The following GET1 variants were observed in gnomAD, a reference collection of about 807,000 sequenced individuals.
The protein encoded by GET1 is congenital heart disease 5 protein.
A neutral mutation model predicts 22.6 loss-of-function variants in GET1; 20 were observed. The ratio of observed to expected loss-of-function variants is 0.89; its 90% CI spans 0.62 to 1.29. GET1 has a LOEUF of 1.29. Ranked by LOEUF, GET1 falls within the 50% of genes most tolerant of loss-of-function variation. The pLI, the probability that GET1 is intolerant of heterozygous loss-of-function variation, is 0.00. For missense variants in GET1, 209 were observed against 219.9 expected (o/e 0.95, Z 0.31); for synonymous variants, 92 against 83.8 (o/e 1.10, Z -0.53).
chr21:39,421,382 C>A (rs1463086174), intron 1 of GET1, among the ~76,000 whole-genome samples: 1 of 152,156 alleles, frequency 6.6e-6, no homozygotes, highest in Non-Finnish European at 1.5e-5. Context: ...GGCCACTGTG[C>A]CCTGCCCGAT....
chr21:39,395,978 A>T (rs974791339), intron 4 of GET1, among the ~76,000 whole-genome samples: 6 of 152,232 alleles, frequency 3.9e-5, no homozygotes, highest in Middle Eastern at 3.2e-3. Flanking sequence ...TTGGTTTTGG[A>T]ATCTATTAAT....
chr21:39,418,607 TCTC>T (rs2041724859), intron 1 of GET1, among the ~76,000 whole-genome samples: 1 of 152,038 alleles, frequency 6.6e-6, no homozygotes, highest in East Asian at 1.9e-4. Context: ...TTCAAGCAAT[TCTC>T]CTGCCTCAGC....
At chr21:39,411,938 A>G in intron 1 of GET1, 1 of 569,104 alleles carries the variant, frequency 1.8e-6, no homozygotes, top group Admixed American at 3.2e-5. Context: ...GAAATAGGCC[A>G]TATCATCCTA....
chr21:39,391,993 C>G, intron 3 of GET1, 157 bp downstream of exon 3: 1 of 636,964 alleles, frequency 1.6e-6, no homozygotes. Flanking sequence ...CTCTCGGTCT[C>G]TAAGTCAGAC....
At position 39,403,682 on chromosome 21, in the gene GET1, C is replaced by A. The variant is rs1344417180; in HGVS notation, c.350-2232C>A. On this transcript the variant is annotated intron_variant, in intron 4 of 4. Transcript: ENST00000415847. The stretch of plus-strand genomic sequence containing the variant: ...TGTCGCCCAGGCTAGAGTGCAGTGG[C>A]GGGATCTTGGCTCACTGCAACCTCT... 2.7e-5 allele frequency among the ~76,000 whole-genome samples: 4 copies of A among 150,746 alleles called. No individual in the cohort carries two copies. In the South Asian group the frequency reaches 8.4e-4, roughly 32 times the overall value.
intron 1 of GET1, among the ~76,000 whole-genome samples, chr21:39,386,764 C>T (rs1016793413): frequency 6.6e-6 from 1 of 152,160 alleles, no homozygotes; most frequent in African/African-American, 2.4e-5. Context: ...TTAAATCTTA[C>T]ACTGCATGAT....
chr21:39,384,068 T>C (rs6517547), intron 1 of GET1, among the ~76,000 whole-genome samples: 105,173 of 151,042 alleles, frequency 0.7, 36,697 homozygotes, highest in East Asian at 0.78. Context: ...TACTAACCAT[T>C]CTAATGGACG....
intron 1 of GET1, among the ~76,000 whole-genome samples, chr21:39,412,657 G>T (rs2040310561): frequency 6.6e-6 from 1 of 152,144 alleles, no homozygotes; most frequent in African/African-American, 2.4e-5. Flanking sequence ...TTGTCTCCTT[G>T]TGCCCCTTAG....
At chr21:39,396,685 CAAAAAAAAA>C (rs5843962) in intron 4 of GET1, among the ~76,000 whole-genome samples, 172 bp from the exon 5 acceptor site, 1 of 97,890 alleles carries the variant, frequency 1.0e-5, no homozygotes, top group Non-Finnish European at 2.1e-5. Context: ...GACTCCGTCT[CAAAAAAAAA>C]AAAAAAAAAA....
At chr21:39,405,222 G>A (rs1030343836) in intron 4 of GET1, among the ~76,000 whole-genome samples, 1 of 151,718 alleles carries the variant, frequency 6.6e-6, no homozygotes, top group Non-Finnish European at 1.5e-5. Flanking sequence ...TTTGAGACAC[G>A]GTCTCACTCC....
At chr21:39,420,594 C>T in intron 1 of GET1, 3 of 805,212 alleles carry the variant, frequency 3.7e-6, no homozygotes, top group Non-Finnish European at 3.8e-6. Context: ...GGTAGAGGAG[C>T]CTTATATATG....
intron 1 of GET1, among the ~76,000 whole-genome samples, chr21:39,412,326 T>TAGA (rs773147740): frequency 1.4e-4 from 22 of 152,204 alleles, no homozygotes; most frequent in Non-Finnish European, 3.1e-4. Context: ...GGGGGAAGCC[T>TAGA]AGAACAAGGG....
chr21:39,416,193 C>A (rs1335408658), intron 1 of GET1, among the ~76,000 whole-genome samples: 1 of 152,176 alleles, frequency 6.6e-6, no homozygotes, highest in African/African-American at 2.4e-5. Flanking sequence ...TGCTTCTTGT[C>A]CTCTACTGAC....
chr21:39,382,639 C>G (rs1271423139), intron 1 of GET1, among the ~76,000 whole-genome samples: 1 of 152,212 alleles, frequency 6.6e-6, no homozygotes, highest in Non-Finnish European at 1.5e-5. Context: ...GTATAGGCCA[C>G]ATTTTGTTTA....
intron 1 of GET1, among the ~76,000 whole-genome samples, chr21:39,381,956 C>G (rs1314038431): frequency 1.3e-5 from 2 of 152,070 alleles, no homozygotes; most frequent in Non-Finnish European, 2.9e-5. Flanking sequence ...CCAGGCTGGT[C>G]TCAAACTCCT....
chr21:39,394,268 G>C (rs1267466436), intron 4 of GET1, among the ~76,000 whole-genome samples: 1 of 152,136 alleles, frequency 6.6e-6, no homozygotes. Flanking sequence ...AGGTTGCAGT[G>C]AGCTGAGATC....
chr21:39,384,317 C>T (rs2037746423), intron 1 of GET1, among the ~76,000 whole-genome samples: 2 of 151,802 alleles, frequency 1.3e-5, no homozygotes, highest in Non-Finnish European at 2.9e-5. Context: ...AGTGCAGTGG[C>T]GCTATCTCGG....
At chr21:39,413,619 A>C (rs754457292) in intron 1 of GET1, among the ~76,000 whole-genome samples, 23 of 152,204 alleles carry the variant, frequency 1.5e-4, no homozygotes, top group Admixed American at 2.6e-4. Flanking sequence ...TGGAGGCAAA[A>C]ATGTTAACAG....
chr21:39,382,984 T>G lies in GET1; in HGVS notation c.102+2498T>G, dbSNP rs187108123. Among the ~76,000 whole-genome samples, 513 of 152,224 alleles carry G rather than the reference T, an allele frequency of 3.4e-3. 3 individuals are homozygous for G. Among genetic ancestry groups the G allele is most frequent in the African/African-American group, 0.012 (479 of 41,572 alleles). On this transcript the variant is annotated intron_variant, in intron 1 of 4. Transcript: ENST00000649170. ...TTTATTTTTTGAGATGGAGTCTTGC[T>G]CCGTTGCCCAGGCTGGAGTGCAGTA...
Sources: gnomAD v4.1 joint callset for allele counts (sites outside exome capture counted in the v4.1 genomes callset) on GRCh38, gnomAD v4.1.1 for gene constraint, MANE v1.5 for transcripts, NCBI Gene and HGNC (gene_info 2026-07-23, HGNC 2026-07-21) for gene names.